The following ENTREP2 variants were observed in gnomAD, a reference collection of about 807,000 sequenced individuals.
ENTREP2 encodes endosomal transmembrane epsin interactor 2.
the ENTREP2 span, among the ~76,000 whole-genome samples, chr15:29,163,002 C>T: frequency 6.8e-3 from 1,035 of 152,256 alleles, 11 homozygotes; most frequent in Middle Eastern, 0.037. Flanking sequence ...GCAGACAACC[C>T]TCAGAACCAG....
chr15:29,269,480 CG>C, the ENTREP2 span: 3 of 1,611,128 alleles, frequency 1.9e-6, no homozygotes, highest in Non-Finnish European at 2.5e-6. Flanking sequence ...GGCCCCACGG[CG>C]GGGGCGGCCT....
At chr15:29,539,876 G>A in the ENTREP2 span, among the ~76,000 whole-genome samples, 2 of 152,046 alleles carry the variant, frequency 1.3e-5, no homozygotes, top group African/African-American at 2.4e-5. Flanking sequence ...GCCAAGCCCT[G>A]GCGAGCCCTC....
the ENTREP2 span, among the ~76,000 whole-genome samples, chr15:29,459,411 T>C: frequency 6.6e-6 from 1 of 152,156 alleles, no homozygotes; most frequent in Admixed American, 6.5e-5. Context: ...ACAGGCACTC[T>C]TCTCTAGGGA....
the ENTREP2 span, among the ~76,000 whole-genome samples, chr15:29,490,842 G>T: frequency 6.6e-6 from 1 of 152,232 alleles, no homozygotes; most frequent in Admixed American, 6.5e-5. Context: ...CCGAAGGGGA[G>T]CTGCCTGCCA....
At chr15:29,395,746 C>G in the ENTREP2 span, among the ~76,000 whole-genome samples, 1 of 151,786 alleles carries the variant, frequency 6.6e-6, no homozygotes, top group Non-Finnish European at 1.5e-5. Context: ...GTTGCCCAGG[C>G]TGGTCTTGAA....
the ENTREP2 span, among the ~76,000 whole-genome samples, chr15:29,249,370 A>G: frequency 6.6e-6 from 1 of 152,210 alleles, no homozygotes; most frequent in Non-Finnish European, 1.5e-5. Flanking sequence ...ACAAGGCAGC[A>G]TGAAGTGGAT....
At chr15:29,237,603 C>G in the ENTREP2 span, among the ~76,000 whole-genome samples, 2 of 152,068 alleles carry the variant, frequency 1.3e-5, no homozygotes, top group Admixed American at 6.6e-5. Context: ...AATTCAAAAC[C>G]ATCATGAGAT....
the ENTREP2 span, among the ~76,000 whole-genome samples, chr15:29,158,843 T>C: frequency 0.54 from 82,235 of 151,934 alleles, 22,636 homozygotes; most frequent in East Asian, 0.71. Flanking sequence ...TAATAAATGA[T>C]GTATAGAACA....
the ENTREP2 span, among the ~76,000 whole-genome samples, chr15:29,438,100 G>T: frequency 6.6e-6 from 1 of 151,978 alleles, no homozygotes; most frequent in South Asian, 2.1e-4. Flanking sequence ...CCTGCCTCCG[G>T]CCCTGGGCAG....
the ENTREP2 span, among the ~76,000 whole-genome samples, chr15:29,623,499 T>C: frequency 6.6e-6 from 1 of 152,030 alleles, no homozygotes; most frequent in African/African-American, 2.4e-5. Flanking sequence ...ACGTGAAAAA[T>C]GAGGTTTGAA....
chr15:29,530,450 T>G, the ENTREP2 span, among the ~76,000 whole-genome samples: 94 of 152,304 alleles, frequency 6.2e-4, no homozygotes, highest in Middle Eastern at 3.4e-3. Context: ...ACTTTTAACC[T>G]CCAGGAGTTT....
chr15:29,588,925 G>C, the ENTREP2 span, among the ~76,000 whole-genome samples: 20 of 151,648 alleles, frequency 1.3e-4, no homozygotes, highest in African/African-American at 4.9e-4. Context: ...GGGAAGTTGC[G>C]GCTGCCATGA....
At chr15:29,251,481 T>A in the ENTREP2 span, among the ~76,000 whole-genome samples, 1 of 152,250 alleles carries the variant, frequency 6.6e-6, no homozygotes. Flanking sequence ...CGGCTTCGAA[T>A]GAGGCCCAAC....
At chr15:29,290,599 G>A in the ENTREP2 span, among the ~76,000 whole-genome samples, 1 of 152,172 alleles carries the variant, frequency 6.6e-6, no homozygotes, top group African/African-American at 2.4e-5. Context: ...ATATCCGTAG[G>A]AGCCAGAGCT....
chr15:29,323,935 G>A, the ENTREP2 span, among the ~76,000 whole-genome samples: 11 of 152,200 alleles, frequency 7.2e-5, no homozygotes, highest in Middle Eastern at 6.8e-3. Flanking sequence ...TGAAAATGTA[G>A]AGTGAAAACT....
At chr15:29,329,204 A>T in the ENTREP2 span, among the ~76,000 whole-genome samples, 4 of 152,202 alleles carry the variant, frequency 2.6e-5, no homozygotes, top group South Asian at 2.1e-4. Context: ...CTACTAAAAA[A>T]TACAAAAAAT....
At chr15:29,455,730 G>T in the ENTREP2 span, among the ~76,000 whole-genome samples, 47 of 152,166 alleles carry the variant, frequency 3.1e-4, no homozygotes, top group African/African-American at 1.1e-3. Context: ...GTGAGCAGTG[G>T]GCAAGTGAGC....
the ENTREP2 span, among the ~76,000 whole-genome samples, chr15:29,179,275 G>A: frequency 1.3e-5 from 2 of 152,362 alleles, no homozygotes; most frequent in Admixed American, 1.3e-4. Context: ...GACAGTGCAA[G>A]AACACTAAAT....
At chr15:29,356,843 A>T in the ENTREP2 span, among the ~76,000 whole-genome samples, 1 of 152,158 alleles carries the variant, frequency 6.6e-6, no homozygotes, top group Admixed American at 6.5e-5. Flanking sequence ...TCCAATAAAC[A>T]TCCCAATAAG....
Sources: allele counts gnomAD v4.1 joint callset (sites outside exome capture counted in the v4.1 genomes callset), GRCh38; gene constraint gnomAD v4.1.1; transcripts MANE v1.5; gene names NCBI Gene and HGNC (gene_info 2026-07-23, HGNC 2026-07-21).